Variants in DIAPH2 observed in about 807,000 individuals in gnomAD.
DIAPH2 encodes diaphanous related formin 2.
In DIAPH2, 35 loss-of-function variants were observed where a neutral mutation model predicts 92.7. The ratio of observed to expected loss-of-function variants is 0.38; its 90% CI spans 0.29 to 0.50. DIAPH2 has a LOEUF of 0.50. Ranked by LOEUF, DIAPH2 falls within the 20% of genes least tolerant of loss-of-function variation. The pLI is 0.94. For missense variants in DIAPH2, 701 were observed against 819.5 expected (o/e 0.86, Z 1.77); for synonymous variants, 301 against 280.4 (o/e 1.07, Z -0.73).
At chrX:96,894,111 A>G (rs994856744) in intron 5 of DIAPH2, among the ~76,000 whole-genome samples, 6 of 111,591 alleles carry the variant, frequency 5.4e-5, no homozygotes. Flanking sequence ...TCTTATATGA[A>G]TATGAATTTC....
intron 24 of DIAPH2, 114 bp from the exon 25 acceptor site, chrX:97,383,795 T>C (rs1264534209): frequency 3.1e-6 from 2 of 635,162 alleles, no homozygotes; most frequent in Non-Finnish European, 4.4e-6. Context: ...GAAAGGTTTT[T>C]GTTTAACTTT....
intron 1 of DIAPH2, among the ~76,000 whole-genome samples, chrX:96,708,156 C>G (rs1171935273): frequency 9.1e-6 from 1 of 109,430 alleles, no homozygotes; most frequent in Non-Finnish European, 1.9e-5. Context: ...GCTCCAAATC[C>G]CTTTCTGTAC....
At chrX:97,352,376 A>C (rs182079184) in intron 24 of DIAPH2, among the ~76,000 whole-genome samples, 2 of 111,383 alleles carry the variant, frequency 1.8e-5, no homozygotes, top group East Asian at 5.6e-4. Flanking sequence ...AAATGAATGA[A>C]AGCAGAATTG....
intron 4 of DIAPH2, among the ~76,000 whole-genome samples, chrX:96,780,394 ATG>A (rs1175093214): frequency 9.0e-6 from 1 of 111,453 alleles, no homozygotes; most frequent in African/African-American, 3.3e-5. Flanking sequence ...ATTATTTAAA[ATG>A]TGTGTGTGTG....
chrX:96,766,987 A>G (rs1276846518), intron 4 of DIAPH2, among the ~76,000 whole-genome samples: 1 of 111,838 alleles, frequency 8.9e-6, no homozygotes, highest in Non-Finnish European at 1.9e-5. Context: ...TTTTTTGTAT[A>G]GAATGTTTTC....
chrX:97,470,300 A>G (rs1351098269), intron 26 of DIAPH2, among the ~76,000 whole-genome samples: 1 of 111,566 alleles, frequency 9.0e-6, no homozygotes, highest in Admixed American at 9.6e-5. Flanking sequence ...ATTAACTTGA[A>G]CACTCAGAAA....
intron 12 of DIAPH2, 112 bp downstream of exon 12, chrX:96,939,494 ATATATG>A (rs201336319): frequency 0.056 from 4,135 of 73,548 alleles, 664 homozygotes; most frequent in South Asian, 0.33. Context: ...GTATGTATAT[ATATATG>A]TATATATATA....
At chrX:96,866,205 G>A (rs376583082) in intron 4 of DIAPH2, among the ~76,000 whole-genome samples, 1 of 111,646 alleles carries the variant, frequency 9.0e-6, no homozygotes, top group East Asian at 2.8e-4. Context: ...GGAAGTTTGT[G>A]AATGTTCATA....
intron 24 of DIAPH2, among the ~76,000 whole-genome samples, chrX:97,375,165 A>C (rs1050430126): frequency 1.8e-5 from 2 of 111,697 alleles, no homozygotes; most frequent in Non-Finnish European, 3.8e-5. Flanking sequence ...CAAAAGTGTC[A>C]ATAGTATAGG....
chrX:97,358,705 T>C (rs1387060937), intron 24 of DIAPH2, among the ~76,000 whole-genome samples: 1 of 111,154 alleles, frequency 9.0e-6, no homozygotes, highest in Non-Finnish European at 1.9e-5. Context: ...TAAAATTTTT[T>C]AATTACCAAT....
chrX:96,790,133 G>A (rs2064489157), intron 4 of DIAPH2, among the ~76,000 whole-genome samples: 1 of 107,671 alleles, frequency 9.3e-6, no homozygotes, highest in Non-Finnish European at 1.9e-5. Flanking sequence ...GCAATGGTGC[G>A]ATCCCGGCTC....
intron 17 of DIAPH2, among the ~76,000 whole-genome samples, chrX:97,012,917 C>A (rs759106066): frequency 1.8e-5 from 2 of 112,117 alleles, no homozygotes; most frequent in Non-Finnish European, 3.8e-5. Flanking sequence ...GTTCACACAG[C>A]AGAATCTACA....
chrX:97,124,936 G>A (rs2067081987), intron 21 of DIAPH2, among the ~76,000 whole-genome samples: 1 of 111,229 alleles, frequency 9.0e-6, no homozygotes, highest in Non-Finnish European at 1.9e-5. Flanking sequence ...TTTTGTATTA[G>A]GGGAAGGACC....
chrX:97,429,525 T>C (rs1032336344), intron 25 of DIAPH2, 125 bp from the exon 26 acceptor site: 2 of 959,721 alleles, frequency 2.1e-6, no homozygotes, highest in Admixed American at 8.5e-5. Context: ...ATCCATTATG[T>C]TAAAACAGAT....
chrX:97,153,087 A>C (rs990562410), intron 22 of DIAPH2, among the ~76,000 whole-genome samples: 1 of 111,679 alleles, frequency 9.0e-6, no homozygotes, highest in African/African-American at 3.3e-5. Context: ...TTTGTACAAA[A>C]ATTTTCTTAA....
chrX:96,948,897 C>T (rs747638288), intron 14 of DIAPH2, 38 bp from the exon 15 acceptor site: 1 of 933,750 alleles, frequency 1.1e-6, no homozygotes, highest in African/African-American at 2.0e-5. Context: ...GTTCTGAAAA[C>T]TATATTATTA....
intron 4 of DIAPH2, among the ~76,000 whole-genome samples, chrX:96,853,003 T>C (rs989368127): frequency 5.4e-5 from 6 of 111,738 alleles, no homozygotes; most frequent in African/African-American, 1.9e-4. Context: ...ATATCTGTAT[T>C]TAATACTGGA....
intron 26 of DIAPH2, among the ~76,000 whole-genome samples, chrX:97,508,366 G>A (rs2070852447): frequency 8.9e-6 from 1 of 111,892 alleles, no homozygotes; most frequent in Non-Finnish European, 1.9e-5. Flanking sequence ...AGTTTAAAAT[G>A]CAGTAATGGA....
chrX:97,067,202 A>G (rs1420928457), intron 17 of DIAPH2, among the ~76,000 whole-genome samples: 2 of 112,008 alleles, frequency 1.8e-5, no homozygotes, highest in Non-Finnish European at 3.8e-5. Flanking sequence ...CTCGATAACA[A>G]TTGAACACAA....
Sources: allele counts gnomAD v4.1 joint callset (sites outside exome capture counted in the v4.1 genomes callset), GRCh38; gene constraint gnomAD v4.1.1; transcripts MANE v1.5; gene names NCBI Gene and HGNC (gene_info 2026-07-23, HGNC 2026-07-21).